Variants in MYH11 observed in about 807,000 individuals in gnomAD.
MYH11 encodes the protein myosin-11.
MYH11 carries 80 observed loss-of-function variants against 246.6 expected under a neutral mutation model. The observed-to-expected ratio is 0.32, with a 90% confidence interval of 0.27 to 0.39. MYH11 has a LOEUF of 0.39. MYH11 is among the 10% of genes least tolerant of loss of function. MYH11 has a pLI of 1.00. For synonymous variants in MYH11, 1,071 were observed against 1,015.5 expected (o/e 1.05, Z -1.04); for missense variants, 2,158 against 2,546.8 (o/e 0.85, Z 3.29).
chr16:15,719,494 A>C (rs2040351229), intron 35 of MYH11, 91 bp downstream of exon 35: 1 of 1,594,122 alleles, frequency 6.3e-7, no homozygotes, highest in Non-Finnish European at 8.6e-7. Flanking sequence ...AGGAGGACGA[A>C]ATGAAATCTG....
At chr16:15,707,275 C>CGCCTCG (rs1386886102) in intron 40 of MYH11, among the ~76,000 whole-genome samples, 1 of 152,130 alleles carries the variant, frequency 6.6e-6, no homozygotes, top group African/African-American at 2.4e-5. Flanking sequence ...GTTATCTGCC[C>CGCCTCG]GCCTCGGCCT....
chr16:15,841,461 G>C (rs2044048808), intron 1 of MYH11, among the ~76,000 whole-genome samples: 1 of 152,054 alleles, frequency 6.6e-6, no homozygotes, highest in South Asian at 2.1e-4. Flanking sequence ...TTTTTAAATG[G>C]GTACAGAAAG....
chr16:15,732,442 C>A, intron 27 of MYH11, 122 bp downstream of exon 27: 1 of 1,409,436 alleles, frequency 7.1e-7, no homozygotes, highest in Non-Finnish European at 1.0e-6. Flanking sequence ...CTGCTATCAT[C>A]ATCATTAGAA....
At chr16:15,796,558 C>A (rs141958849) in intron 4 of MYH11, among the ~76,000 whole-genome samples, 49 of 152,326 alleles carry the variant, frequency 3.2e-4, no homozygotes, top group African/African-American at 1.1e-3. Flanking sequence ...ACATGTGGCT[C>A]ACACATGGGT....
In MYH11 at chr16:15,838,147, C is replaced by A; in HGVS notation, c.106G>T (p.Val36Phe). 6.2e-7 allele frequency: 1 copy of A among 1,614,116 alleles called. No homozygotes were observed. Among genetic ancestry groups the A allele is most frequent in the Non-Finnish European group, 8.5e-7 (1 of 1,180,002 alleles). The change falls in exon 2 of 41, where the codon GTC becomes TTC. Residue 36 changes from valine (V) to phenylalanine (F), a missense_variant. Val to Phe is a conservative substitution (Grantham distance 50). Transcript: ENST00000300036. ...AQADWAAKRL[V>F]WVPSEKQGFE... is the part of the protein sequence containing the mutation. ...CCCTGCTTCTCCGAGGGGACCCAGA[C>A]GAGTCTCTTGGCGGCCCAGTCAGCC...
intron 3 of MYH11, among the ~76,000 whole-genome samples, chr16:15,799,950 G>A (rs952866340): frequency 3.3e-5 from 5 of 152,062 alleles, no homozygotes; most frequent in African/African-American, 1.2e-4. Flanking sequence ...GAAGATGAGT[G>A]GACGGAAGGA....
intron 3 of MYH11, among the ~76,000 whole-genome samples, chr16:15,808,789 A>T (rs958781797): frequency 6.6e-6 from 1 of 152,170 alleles, no homozygotes; most frequent in Non-Finnish European, 1.5e-5. Flanking sequence ...GCTATTTGGA[A>T]GGCTGAGGCA....
At chr16:15,817,407 G>A (rs2043288080) in intron 3 of MYH11, among the ~76,000 whole-genome samples, 1 of 152,056 alleles carries the variant, frequency 6.6e-6, no homozygotes, top group African/African-American at 2.4e-5. Flanking sequence ...CACAAGAATT[G>A]CTTGAACCCA....
chr16:15,833,734 C>A (rs215590), intron 2 of MYH11, among the ~76,000 whole-genome samples: 51,049 of 151,990 alleles, frequency 0.34, 9,298 homozygotes, highest in Admixed American at 0.42. Context: ...TCACAGAGGG[C>A]AAAGTCATGC....
intron 14 of MYH11, 134 bp from the exon 15 acceptor site, chr16:15,753,642 G>T: frequency 1.3e-6 from 1 of 742,236 alleles, no homozygotes; most frequent in Non-Finnish European, 2.4e-6. Context: ...TGACCACCAT[G>T]ATGGGACTCC....
chr16:15,757,968 G>A lies in MYH11; in HGVS notation c.1434C>T (p.Tyr478=), dbSNP rs763773359. The change falls in exon 13 of 41, where the codon TAC becomes TAT. Residue 478 remains tyrosine, a synonymous_variant. Coordinates refer to ENST00000300036, the MANE Select transcript of MYH11 (RefSeq NM_002474.3). ...VNSFEQLCIN[Y]TNEKLQQLFN... ...AGAGCTGCTGCAGCTTCTCGTTGGTGTAGTTGATGCACAGCTGCTCGAAGG... is the reference window on the plus strand; with the variant it reads ...AGAGCTGCTGCAGCTTCTCGTTGGTATAGTTGATGCACAGCTGCTCGAAGG... 1.8e-5 allele frequency: 29 copies of A among 1,614,164 alleles called. No individual in the cohort carries two copies. In the East Asian group the frequency reaches 5.3e-4, roughly 30 times the overall value.
intron 14 of MYH11, among the ~76,000 whole-genome samples, 198 bp from the exon 15 acceptor site, chr16:15,753,706 A>G (rs1454233664): frequency 1.3e-5 from 2 of 152,146 alleles, no homozygotes; most frequent in Non-Finnish European, 2.9e-5. Flanking sequence ...ACGTAGTAGG[A>G]CATCAGCCAG....
At chr16:15,732,531 T>C in intron 27 of MYH11, 33 bp downstream of exon 27, 1 of 1,613,978 alleles carries the variant, frequency 6.2e-7, no homozygotes. Flanking sequence ...CTCTTATGTG[T>C]CATCACCAAA....
intron 11 of MYH11, 49 bp downstream of exon 11, chr16:15,760,479 AGATGGATGAATG>A: frequency 1.6e-6 from 2 of 1,245,590 alleles, no homozygotes; most frequent in South Asian, 1.2e-5. Context: ...ACAGGTGGAT[AGATGGATGAATG>A]GATGGATGGG....
chr16:15,729,892 T>C (rs1293695272), intron 27 of MYH11, among the ~76,000 whole-genome samples: 2 of 152,048 alleles, frequency 1.3e-5, no homozygotes, highest in Non-Finnish European at 2.9e-5. Context: ...TTCACTATGT[T>C]GGTCAGGCTA....
chr16:15,726,947 C>T lies in MYH11; in HGVS notation c.3759G>A (p.Lys1253=), dbSNP rs746842838. The T allele has an allele frequency of 1.9e-6, 3 of 1,613,476 alleles. No individual in the cohort carries two copies. The South Asian group carries it at 3.3e-5, about 18-fold the overall frequency. The part of the protein sequence containing the change: ...LGQAKQEVEH[K]KKKLEAQVQE... ...GCACCTGCGCCTCCAGCTTCTTCTT[C>T]TTATGTTCCACCTCCTGCTTGGCCT... is the stretch of plus-strand genomic sequence containing the variant. Residue 1253 remains lysine (K), a synonymous_variant, in exon 28 of 41, where the codon AAG becomes AAA. Coordinates refer to ENST00000300036, the MANE Select transcript of MYH11 (RefSeq NM_002474.3).
intron 25 of MYH11, among the ~76,000 whole-genome samples, chr16:15,736,921 C>G (rs1267463595): frequency 6.6e-6 from 1 of 151,930 alleles, no homozygotes; most frequent in Non-Finnish European, 1.5e-5. Context: ...CAGCTAAGAG[C>G]CAGGAAGAGG....
rs137988790 is a variant in MYH11, at chr16:15,740,087, G to T, written c.2961C>A (p.Ile987=). 1 of 1,614,188 alleles carries T rather than the reference G, an allele frequency of 6.2e-7. No homozygotes were observed. Among genetic ancestry groups the T allele is most frequent in the East Asian group, 2.2e-5 (1 of 44,874 alleles). ...TATTGTTCTGATCATCCATGACCAG[G>T]ATCTCATCCTCCAGTTTCTTGATCT... ...EAKIKKLEDE[I]LVMDDQNNKL... The change falls in exon 23 of 41, where the codon ATC becomes ATA. Residue 987 remains isoleucine (I), a synonymous_variant. Coordinates refer to ENST00000300036, the MANE Select transcript of MYH11 (RefSeq NM_002474.3).
At chr16:15,741,935 G>A (rs776849745) in intron 20 of MYH11, 44 bp from the exon 21 acceptor site, 1 of 1,613,052 alleles carries the variant, frequency 6.2e-7, no homozygotes, top group Non-Finnish European at 8.5e-7. Context: ...TGTGGCAAAG[G>A]GATATGTTGT....
Sources: gnomAD v4.1 joint callset for allele counts (sites outside exome capture counted in the v4.1 genomes callset) on GRCh38, gnomAD v4.1.1 for gene constraint, MANE v1.5 for transcripts, NCBI Gene and HGNC (gene_info 2026-07-23, HGNC 2026-07-21) for gene names.